MCM9: variants seen among roughly 807,000 people sequenced by gnomAD.
The protein encoded by MCM9 is DNA helicase MCM9.
In MCM9, 55 loss-of-function variants were observed where a neutral mutation model predicts 72.8. That is an observed-to-expected ratio of 0.76 (90% CI 0.61 to 0.95). The LOEUF (loss-of-function observed/expected upper bound fraction) is 0.95. MCM9 is among the 40% of genes least tolerant of loss of function. MCM9 has a pLI of 0.00. For synonymous variants in MCM9, 480 were observed against 503.4 expected (o/e 0.95, Z 0.62); for missense variants, 1,279 against 1,377.0 (o/e 0.93, Z 1.13).
intron 8 of MCM9, among the ~76,000 whole-genome samples, chr6:118,889,919 C>T (rs529063017): frequency 6.6e-6 from 1 of 152,236 alleles, no homozygotes; most frequent in Admixed American, 6.5e-5. Flanking sequence ...AACAGTGAAA[C>T]TTTTATTAAT....
At position 118,814,734 on chromosome 6, in the gene MCM9, G is replaced by T; in HGVS notation, c.*90C>A. 1.6e-6 allele frequency: 2 copies of T among 1,265,686 alleles called. No individual in the cohort carries two copies. The highest frequency in any genetic ancestry group is 2.1e-6 in the Non-Finnish European group (2 of 937,628). The allele number at this position is 1,265,686 out of a possible 1,614,324, so 78.4% of individuals were successfully genotyped here. A position where few individuals can be genotyped will look rare whatever the true frequency, so the allele number is the denominator to read the frequency against. On this transcript the variant is annotated 3_prime_UTR_variant, in exon 14 of 14. Transcript: ENST00000619706. ...AGAGTGATCCTCAATATGGCCAATT[G>T]TTCTATACATTTATAAATACCATAT... is the stretch of plus-strand genomic sequence containing the variant.
intron 9 of MCM9, 142 bp from the exon 10 acceptor site, chr6:118,829,392 A>C: frequency 1.4e-6 from 1 of 738,322 alleles, no homozygotes; most frequent in Non-Finnish European, 2.2e-6. Flanking sequence ...ACAGAAGGAG[A>C]TATCACAAAC....
At chr6:118,879,904 C>T (rs1366036269) in intron 8 of MCM9, among the ~76,000 whole-genome samples, 4 of 151,432 alleles carry the variant, frequency 2.6e-5, no homozygotes, top group African/African-American at 9.7e-5. Flanking sequence ...ATTAACCAGG[C>T]GTGGTGGTGG....
rs537519548 is a variant in MCM9, at chr6:118,877,582, T to C, written c.1151-21037A>G. 2.0e-5 allele frequency among the ~76,000 whole-genome samples: 3 copies of C among 152,338 alleles called. No individual in the cohort carries two copies. In the South Asian group the frequency reaches 6.2e-4, roughly 32 times the overall value. On this transcript the variant is annotated intron_variant, in intron 8 of 13. Coordinates refer to ENST00000619706, the MANE Select transcript of MCM9 (RefSeq NM_017696.3). Reference sequence around the variant, plus strand: ...GGTTGTGAGGCAAAGTCAACTCTCATGTGCTACTAATGGGAATAATAACGG... The same window carrying C: ...GGTTGTGAGGCAAAGTCAACTCTCACGTGCTACTAATGGGAATAATAACGG...
At chr6:118,888,883 G>C (rs1778774921) in intron 8 of MCM9, among the ~76,000 whole-genome samples, 1 of 152,088 alleles carries the variant, frequency 6.6e-6, no homozygotes, top group African/African-American at 2.4e-5. Flanking sequence ...CAAAACTATA[G>C]AGACAAAAAG....
intron 4 of MCM9, among the ~76,000 whole-genome samples, chr6:118,922,980 C>G (rs969875386): frequency 8.0e-6 from 1 of 125,334 alleles, no homozygotes; most frequent in African/African-American, 3.1e-5. Flanking sequence ...TACAGTGAGT[C>G]AAGATCACAC....
chr6:118,836,317 G>C (rs1238355046), intron 9 of MCM9, among the ~76,000 whole-genome samples: 3 of 151,980 alleles, frequency 2.0e-5, no homozygotes, highest in Non-Finnish European at 2.9e-5. Flanking sequence ...TTCTTTTCTT[G>C]TTGTCTCTGC....
chr6:118,867,468 TA>T (rs2114284519), intron 8 of MCM9, among the ~76,000 whole-genome samples: 1 of 152,316 alleles, frequency 6.6e-6, no homozygotes, highest in East Asian at 1.9e-4. Context: ...ACTCACTGAC[TA>T]ATCCAGCGCA....
intron 13 of MCM9, among the ~76,000 whole-genome samples, chr6:118,821,634 G>T (rs2114518012): frequency 6.6e-6 from 1 of 152,206 alleles, no homozygotes; most frequent in East Asian, 1.9e-4. Flanking sequence ...TCTTAGTGGT[G>T]TTCTCTGTAT....
At position 118,933,296 on chromosome 6, in the gene MCM9, G is replaced by T. The variant is rs571352519; in HGVS notation, c.-149-556C>A. Among the ~76,000 whole-genome samples, 3 of 151,946 alleles carry T rather than the reference G, an allele frequency of 2.0e-5. No homozygotes were observed. In the East Asian group the frequency reaches 5.8e-4, roughly 29 times the overall value. On this transcript the variant is annotated intron_variant, in intron 1 of 13. Transcript: ENST00000619706. Reference sequence around the variant, plus strand: ...AGGTGGATCACGAGGTCAGGAGATCGAGACCATCCTGGCTAACACGGTGAA... The same window carrying T: ...AGGTGGATCACGAGGTCAGGAGATCTAGACCATCCTGGCTAACACGGTGAA...
intron 9 of MCM9, among the ~76,000 whole-genome samples, chr6:118,845,972 T>G (rs370172600): frequency 6.6e-6 from 1 of 151,836 alleles, no homozygotes; most frequent in Non-Finnish European, 1.5e-5. Context: ...ATTTCTATAT[T>G]TGAGCTCTTC....
intron 8 of MCM9, among the ~76,000 whole-genome samples, chr6:118,879,322 A>G (rs1181887080): frequency 2.6e-5 from 4 of 152,044 alleles, no homozygotes; most frequent in Admixed American, 2.0e-4. Flanking sequence ...AGGCACAAAT[A>G]GGTTAAAAGT....
At position 118,931,450 on chromosome 6, in the gene MCM9, T is replaced by C. The variant is rs781243883; in HGVS notation, c.274A>G (p.Met92Val). 2 of 1,612,450 alleles carry C rather than the reference T, an allele frequency of 1.2e-6. No homozygotes were observed. The highest frequency in any genetic ancestry group is 8.5e-7 in the Non-Finnish European group (1 of 1,178,492). ...QSLSQPEAVS[M>V]KQNLHARISG... ...ATCCTGGCATGAAGATTCTGTTTCA[T>C]GGAAACAGCCTCAGGCTGAGAAAGG... The change falls in exon 3 of 14, where the codon ATG (methionine) becomes GTG (valine). Residue 92 changes from methionine (M) to valine (V), a missense_variant. Coordinates refer to ENST00000619706, the MANE Select transcript of MCM9 (RefSeq NM_017696.3).
At chr6:118,934,049 G>A (rs1303758252) in intron 1 of MCM9, among the ~76,000 whole-genome samples, 3 of 149,662 alleles carry the variant, frequency 2.0e-5, no homozygotes, top group Non-Finnish European at 4.4e-5. Context: ...TAAGTTTAGA[G>A]CCACAAATTT....
chr6:118,918,504 A>G (rs920016481), intron 5 of MCM9: 3 of 152,192 alleles, frequency 2.0e-5, no homozygotes, highest in Non-Finnish European at 4.4e-5. Flanking sequence ...TTATAGGCAC[A>G]CTCGCCAAAC....
chr6:118,853,213 G>A lies in MCM9; in HGVS notation c.1325+3158C>T, dbSNP rs560219702. On this transcript the variant is annotated intron_variant, in intron 9 of 13. Coordinates refer to ENST00000619706, the MANE Select transcript of MCM9 (RefSeq NM_017696.3). Reference sequence around the variant, plus strand: ...TTTCTCTGTTGAATTATTTGACATCGTTCTTGAATATCAATTGACATTATC... The same window carrying A: ...TTTCTCTGTTGAATTATTTGACATCATTCTTGAATATCAATTGACATTATC... Among the ~76,000 whole-genome samples, 6 of 152,014 alleles carry A rather than the reference G, an allele frequency of 3.9e-5. No individual in the cohort carries two copies. In the South Asian group the frequency reaches 6.2e-4, roughly 16 times the overall value.
intron 1 of MCM9, among the ~76,000 whole-genome samples, chr6:118,933,282 G>A (rs1782590505): frequency 6.6e-6 from 1 of 152,030 alleles, no homozygotes; most frequent in South Asian, 2.1e-4. Flanking sequence ...GGTGGATCAC[G>A]AGGTCAGGAG....
intron 8 of MCM9, among the ~76,000 whole-genome samples, chr6:118,891,611 G>A (rs189714212): frequency 4.1e-4 from 62 of 152,190 alleles, no homozygotes; most frequent in African/African-American, 1.3e-3. Flanking sequence ...TTGTGAGGAC[G>A]CCAGCTAGAT....
At chr6:118,923,633 T>C (rs973059079) in intron 4 of MCM9, among the ~76,000 whole-genome samples, 178 bp downstream of exon 4, 1 of 152,236 alleles carries the variant, frequency 6.6e-6, no homozygotes, top group African/African-American at 2.4e-5. Flanking sequence ...AAAAGGATGA[T>C]TGCATGGTTT....
Sources: gnomAD v4.1 joint callset for allele counts (sites outside exome capture counted in the v4.1 genomes callset) on GRCh38, gnomAD v4.1.1 for gene constraint, MANE v1.5 for transcripts, NCBI Gene and HGNC (gene_info 2026-07-23, HGNC 2026-07-21) for gene names.